The following GALNT15 variants were observed in gnomAD, a reference collection of about 807,000 sequenced individuals.
GALNT15 encodes polypeptide N-acetylgalactosaminyltransferase 15, also known as UDP-GalNAc transferase T15.
Under a neutral mutation model 66.8 loss-of-function variants are expected in GALNT15, and 67 were observed. The ratio of observed to expected loss-of-function variants is 1.00; its 90% CI spans 0.82 to 1.23. The LOEUF (loss-of-function observed/expected upper bound fraction) is 1.23, where lower values mean the gene tolerates loss of function less well. Ranked by LOEUF, GALNT15 falls within the 50% of genes most tolerant of loss-of-function variation. GALNT15 has a pLI of 0.00. For synonymous variants in GALNT15, 313 were observed against 311.5 expected (o/e 1.00, Z -0.05); for missense variants, 827 against 804.3 (o/e 1.03, Z -0.34).
At chr3:16,190,637 C>CAAAA (rs34205852) in intron 1 of GALNT15, among the ~76,000 whole-genome samples, 2 of 98,626 alleles carry the variant, frequency 2.0e-5, no homozygotes, top group African/African-American at 3.9e-5. Flanking sequence ...GACTCCGTAT[C>CAAAA]AAAAAAAAAA....
At position 16,211,296 on chromosome 3, in the gene GALNT15, G is replaced by A; in HGVS notation, c.1197+55G>A. On this transcript the variant is annotated intron_variant, in intron 5 of 9. Coordinates refer to ENST00000339732, the MANE Select transcript of GALNT15 (RefSeq NM_054110.5). This position sits in a 1 kb window ranked among gnomAD's most constrained non-coding sequence, Gnocchi z 4.3. ...TGGGATCTCTGGAGTGGTGTGTATG[G>A]TCACAGCTCAGAGGCAGGCATTAGA... 9.0e-7 allele frequency: 1 copy of A among 1,116,420 alleles called. No homozygotes were observed. The highest frequency in any genetic ancestry group is 1.4e-6 in the Non-Finnish European group (1 of 728,622). 69.2% of individuals were successfully genotyped at this position (1,116,420 alleles called of 1,614,324 possible). A position where few individuals can be genotyped will look rare whatever the true frequency, so the allele number is the denominator to read the frequency against.
In GALNT15 at chr3:16,193,664, A is replaced by G. The variant is rs539092178; in HGVS notation, c.540-2096A>G. Among the ~76,000 whole-genome samples, 39 of 152,290 alleles carry G rather than the reference A, an allele frequency of 2.6e-4. No individual in the cohort carries two copies. The highest frequency in any genetic ancestry group is 9.4e-4 in the African/African-American group (39 of 41,556). On this transcript the variant is annotated intron_variant, in intron 1 of 9. Transcript: ENST00000339732. The surrounding 1 kb of genome is among the most constrained non-coding windows in gnomAD (Gnocchi z 4.7). ...TGGTACCAAGCTAGGGAGCAGCAAG[A>G]GTTGGCACATCTTAGAAGGTGTTTC...
intron 1 of GALNT15, among the ~76,000 whole-genome samples, chr3:16,178,547 C>A (rs1000901554): frequency 1.3e-5 from 2 of 152,158 alleles, no homozygotes; most frequent in Non-Finnish European, 2.9e-5. Flanking sequence ...GTGCGGCCTG[C>A]GCAGCCCAGG....
the GALNT15 span, among the ~76,000 whole-genome samples, chr3:16,237,158 C>G: frequency 6.6e-6 from 1 of 152,164 alleles, no homozygotes; most frequent in African/African-American, 2.4e-5. The surrounding 1 kb of genome is among the most constrained non-coding windows in gnomAD (Gnocchi z 4.2). Context: ...TGATCTCTGG[C>G]GTTCAATTTA....
In GALNT15 at chr3:16,199,082, A is replaced by T. The variant is rs1283997476; in HGVS notation, c.707-1537A>T. On this transcript the variant is annotated intron_variant, in intron 2 of 9. Coordinates refer to ENST00000339732, the MANE Select transcript of GALNT15 (RefSeq NM_054110.5). ...CAACCCCTGTCCTTGGGGAGATCTT[A>T]GTCCACTGGCCTGGGGGGACTCCCC... Among the ~76,000 whole-genome samples the T allele has an allele frequency of 1.4e-5, 2 of 142,182 alleles. 1 individual carries two copies. Among genetic ancestry groups the T allele is most frequent in the African/African-American group, 5.2e-5 (2 of 38,132 alleles). The allele number at this position is 142,182 out of a possible 152,430, so 93.3% of individuals were successfully genotyped here. A position where few individuals can be genotyped will look rare whatever the true frequency, so the allele number is the denominator to read the frequency against.
rs2063580116 is a variant in GALNT15 at position 16,191,605 on chromosome 3, A to C, written c.540-4155A>C. Among the ~76,000 whole-genome samples, 1 of 152,252 alleles carries C rather than the reference A, an allele frequency of 6.6e-6. No individual in the cohort carries two copies. Among genetic ancestry groups the C allele is most frequent in the Non-Finnish European group, 1.5e-5 (1 of 68,042 alleles). On this transcript the variant is annotated intron_variant, in intron 1 of 9. Transcript: ENST00000339732. This position sits in a 1 kb window ranked among gnomAD's most constrained non-coding sequence, Gnocchi z 5.2. The stretch of plus-strand genomic sequence containing the variant: ...CGGCAGAGAATGTTCTGTGAAATCA[A>C]AGAAAGGAACTTGAGTGCCCTGGTC...
rs1438729264 is a variant in GALNT15, at chr3:16,175,499, C to A, written c.348C>A (p.Ser116Arg). 6.2e-7 allele frequency: 1 copy of A among 1,613,840 alleles called. No homozygotes were observed. Among genetic ancestry groups the A allele is most frequent in the African/African-American group, 1.3e-5 (1 of 75,034 alleles). ...RNQSQGRRGG[S>R]YRLIKQPRRQ... is the part of the protein sequence containing the mutation. ...AGAGCCAGGGCAGGAGAGGTGGGAG[C>A]TACCGCCTCATCAAGCAGCCAAGGA... Residue 116 changes from serine (S) to arginine (R), a missense_variant, in exon 1 of 10, where the codon AGC becomes AGA. Coordinates refer to ENST00000339732, the MANE Select transcript of GALNT15 (RefSeq NM_054110.5). The surrounding 1 kb of genome is among the most constrained non-coding windows in gnomAD (Gnocchi z 5.6).
chr3:16,209,241 C>G lies in GALNT15; in HGVS notation c.1079+571C>G, dbSNP rs1374501037. Among the ~76,000 whole-genome samples the G allele has an allele frequency of 6.6e-6, 1 of 152,204 alleles. No individual in the cohort carries two copies. The highest frequency in any genetic ancestry group is 1.9e-4 in the East Asian group (1 of 5,200). On this transcript the variant is annotated intron_variant, in intron 4 of 9. Coordinates refer to ENST00000339732, the MANE Select transcript of GALNT15 (RefSeq NM_054110.5). This position sits in a 1 kb window ranked among gnomAD's most constrained non-coding sequence, Gnocchi z 4.1. ...ATCACCTCAAACTTGGTGTAAAACA[C>G]AGCCATTTTATTAAGCTCATGAATT... is the stretch of plus-strand genomic sequence containing the variant.
the GALNT15 span, among the ~76,000 whole-genome samples, chr3:16,242,577 G>A: frequency 1.3e-5 from 2 of 151,676 alleles, no homozygotes; most frequent in Non-Finnish European, 2.9e-5. The surrounding 1 kb of genome is among the most constrained non-coding windows in gnomAD (Gnocchi z 5.6). Flanking sequence ...GGGCAACATG[G>A]CAAAAACCAA....
chr3:16,186,337 G>A lies in GALNT15; in HGVS notation c.540-9423G>A, dbSNP rs1433130736. 2.0e-5 allele frequency among the ~76,000 whole-genome samples: 3 copies of A among 152,188 alleles called. No homozygotes were observed. The highest frequency in any genetic ancestry group is 2.0e-4 in the Admixed American group (3 of 15,284). On this transcript the variant is annotated intron_variant, in intron 1 of 9. Coordinates refer to ENST00000339732, the MANE Select transcript of GALNT15 (RefSeq NM_054110.5). This position sits in a 1 kb window ranked among gnomAD's most constrained non-coding sequence, Gnocchi z 5.1. The stretch of plus-strand genomic sequence containing the variant: ...AAATTGGAACCCTCACACATTGCTG[G>A]TGGGATTGTAAAATGGTGCAACTGC...
the GALNT15 span, chr3:16,244,106 C>A: frequency 1.5e-6 from 1 of 667,960 alleles, no homozygotes; most frequent in Non-Finnish European, 1.9e-6. Flanking sequence ...GAACAGGCAC[C>A]GATCGATAGG....
Position 16,195,438 on chromosome 3 carries a change from G to A in GALNT15, c.540-322G>A, listed in dbSNP as rs2063621779. On this transcript the variant is annotated intron_variant, in intron 1 of 9. Transcript: ENST00000339732. The surrounding 1 kb of genome is among the most constrained non-coding windows in gnomAD (Gnocchi z 4.6). ...GCATGCTCAAGTGTGAGCGCTGTGA[G>A]GGTGATAATATTGTCATTCATTCTC... Among the ~76,000 whole-genome samples, 1 of 152,108 alleles carries A rather than the reference G, an allele frequency of 6.6e-6. No homozygotes were observed. The highest frequency in any genetic ancestry group is 1.5e-5 in the Non-Finnish European group (1 of 67,996).
the GALNT15 span, among the ~76,000 whole-genome samples, chr3:16,246,809 G>A: frequency 6.6e-6 from 1 of 152,148 alleles, no homozygotes; most frequent in Non-Finnish European, 1.5e-5. Flanking sequence ...TAATTGAAAT[G>A]AAAGTATTAC....
At chr3:16,220,069 G>A (rs2063926673) in intron 8 of GALNT15, 55 bp downstream of exon 8, 12 of 1,394,218 alleles carry the variant, frequency 8.6e-6, no homozygotes, top group Non-Finnish European at 1.1e-5. Context: ...TTGAAAGTGG[G>A]CGATATTTTT....
chr3:16,229,275 G>A lies in GALNT15; in HGVS notation c.*1775G>A, dbSNP rs2064056661. On this transcript the variant is annotated 3_prime_UTR_variant, in exon 10 of 10. Transcript: ENST00000339732. Reference sequence around the variant, plus strand: ...TCAGAATACACTCTGGACCTGTGCTGTCTAATATGGTAGCCACTAACAAAA... The same window carrying A: ...TCAGAATACACTCTGGACCTGTGCTATCTAATATGGTAGCCACTAACAAAA... 7.1e-6 allele frequency: 7 copies of A among 981,438 alleles called. No homozygotes were observed. The highest frequency in any genetic ancestry group is 1.0e-3 in the Middle Eastern group (2 of 1,908). The allele number at this position is 981,438 out of a possible 1,614,324, so 60.8% of individuals were successfully genotyped here.
chr3:16,236,820 C>T (rs148443950), downstream of GALNT15, among the ~76,000 whole-genome samples: 1 of 152,238 alleles, frequency 6.6e-6, no homozygotes, highest in East Asian at 1.9e-4. Flanking sequence ...CATAAAGATT[C>T]CAGGGGCCTT....
At position 16,211,140 on chromosome 3, in the gene GALNT15, G is replaced by A. The variant is rs776760956; in HGVS notation, c.1096G>A (p.Gly366Arg). The change falls in exon 5 of 10, where the codon GGA (glycine) becomes AGA (arginine). Residue 366 changes from glycine (G) to arginine (R), a missense_variant. By Grantham distance (125) the Gly-to-Arg change is moderately radical. Coordinates refer to ENST00000339732, the MANE Select transcript of GALNT15 (RefSeq NM_054110.5). This position sits in a 1 kb window ranked among gnomAD's most constrained non-coding sequence, Gnocchi z 4.3. The part of the protein sequence containing the change: ...ISPIRSPVVP[G>R]EVVAMDRHYF... ...TGTGTCCAGGAGCCCTGTGGTGCCCGGAGAGGTGGTGGCCATGGACAGACA... is the reference window on the plus strand; with the variant it reads ...TGTGTCCAGGAGCCCTGTGGTGCCCAGAGAGGTGGTGGCCATGGACAGACA... 2.7e-5 allele frequency: 43 copies of A among 1,613,062 alleles called. No individual in the cohort carries two copies. Among genetic ancestry groups the A allele is most frequent in the East Asian group, 4.5e-5 (2 of 44,892 alleles).
chr3:16,241,022 C>T, the GALNT15 span, among the ~76,000 whole-genome samples: 1 of 152,160 alleles, frequency 6.6e-6, no homozygotes, highest in African/African-American at 2.4e-5. The surrounding 1 kb of genome is among the most constrained non-coding windows in gnomAD (Gnocchi z 4.6). Flanking sequence ...TTGCCAGCTT[C>T]TTCTTACCTA....
At position 16,228,357 on chromosome 3, in the gene GALNT15, C is replaced by T. The variant is rs755291757; in HGVS notation, c.*857C>T. The T allele has an allele frequency of 6.1e-6, 6 of 985,368 alleles. No homozygotes were observed. In the East Asian group the frequency reaches 4.5e-4, roughly 74 times the overall value. 61.0% of individuals were successfully genotyped at this position (985,368 alleles called of 1,614,324 possible). On this transcript the variant is annotated 3_prime_UTR_variant, in exon 10 of 10. Coordinates refer to ENST00000339732, the MANE Select transcript of GALNT15 (RefSeq NM_054110.5). ...AAGGTGTTCACAGTTGAGAAACTCT[C>T]CTGCCGGGCGCGGTGGCTCATGCCT... is the stretch of plus-strand genomic sequence containing the variant.
Sources: allele counts gnomAD v4.1 joint callset (sites outside exome capture counted in the v4.1 genomes callset), GRCh38; gene constraint gnomAD v4.1.1; non-coding constraint Gnocchi (gnomAD v3.1); transcripts MANE v1.5; gene names NCBI Gene and HGNC (gene_info 2026-07-23, HGNC 2026-07-21).